CAPN3: variants seen among roughly 807,000 people sequenced by gnomAD.
CAPN3 encodes calpain 3.
A neutral mutation model predicts 114.0 loss-of-function variants in CAPN3; 88 were observed. The ratio of observed to expected loss-of-function variants is 0.77; its 90% CI spans 0.65 to 0.92. The LOEUF (loss-of-function observed/expected upper bound fraction) is 0.92. Among genes scored for constraint, CAPN3 ranks in the 40% least tolerant of loss-of-function variants. The pLI is 0.00. For missense variants in CAPN3, 1,028 were observed against 1,069.0 expected, an observed-to-expected ratio of 0.96 and a Z score of 0.53; for synonymous variants, 386 against 382.9, an observed-to-expected ratio of 1.01 and a Z score of -0.09.
intron 1 of CAPN3, among the ~76,000 whole-genome samples, chr15:42,367,302 C>T (rs2052813756): frequency 6.6e-6 from 1 of 152,112 alleles, no homozygotes; most frequent in Non-Finnish European, 1.5e-5. Flanking sequence ...CTGCTAGGAA[C>T]CGGCTGAACT....
chr15:42,410,396 T>G (rs2054175029), intron 19 of CAPN3, 32 bp from the exon 20 acceptor site: 1 of 1,607,344 alleles, frequency 6.2e-7, no homozygotes, highest in African/African-American at 1.3e-5. Context: ...GATTTTGCTG[T>G]GTGCTGTGTA....
intron 1 of CAPN3, 143 bp downstream of exon 1, chr15:42,360,257 GAA>G: frequency 2.2e-6 from 2 of 911,118 alleles, no homozygotes; most frequent in Middle Eastern, 6.4e-4. Context: ...CTTTAAGTGT[GAA>G]GCAGGGAGGA....
chr15:42,396,814 G>A lies in CAPN3; in HGVS notation c.1130G>A (p.Ser377Asn), dbSNP rs760121531. ...GSWSDRWKDW[S>N]FVDKDEKARL... Reference sequence around the variant, plus strand: ...TTTCCCACCAGATGGAAGGACTGGAGCTTTGTGGACAAAGATGAGAAGGCC... The same window carrying A: ...TTTCCCACCAGATGGAAGGACTGGAACTTTGTGGACAAAGATGAGAAGGCC... The change falls in exon 9 of 24, where the codon AGC becomes AAC. Residue 377 changes from serine to asparagine, a missense_variant. Transcript: ENST00000397163. 4 of 1,613,908 alleles carry A rather than the reference G, an allele frequency of 2.5e-6. No individual in the cohort carries two copies. The highest frequency in any genetic ancestry group is 3.4e-6 in the Non-Finnish European group (4 of 1,179,798).
intron 22 of CAPN3, 79 bp downstream of exon 22, chr15:42,411,079 A>C: frequency 2.5e-6 from 3 of 1,212,598 alleles, no homozygotes; most frequent in Non-Finnish European, 3.7e-6. Flanking sequence ...GATAATCTCC[A>C]GTCTGCTCCA....
Position 42,401,633 on chromosome 15 carries a change from G to A in CAPN3, c.1355-8G>A, listed in dbSNP as rs1455492901. ...CTGTGAATGCGTGCTTCCTTTCTGG[G>A]GGTGCAGATACTTTCTGGACCAACC... On this transcript the variant is annotated splice_polypyrimidine_tract_variant and splice_region_variant and intron_variant, in intron 10 of 23. Coordinates refer to ENST00000397163, the MANE Select transcript of CAPN3 (RefSeq NM_000070.3). 6.2e-7 allele frequency: 1 copy of A among 1,614,058 alleles called. No homozygotes were observed. The highest frequency in any genetic ancestry group is 1.7e-5 in the Admixed American group (1 of 60,026).
At chr15:42,400,973 C>T (rs1019689912) in intron 10 of CAPN3, among the ~76,000 whole-genome samples, 1 of 152,080 alleles carries the variant, frequency 6.6e-6, no homozygotes, top group South Asian at 2.1e-4. Flanking sequence ...GCAGGCGGAT[C>T]ACTTGTGGTC....
intron 1 of CAPN3, among the ~76,000 whole-genome samples, chr15:42,371,551 G>A (rs1049007050): frequency 6.6e-6 from 1 of 152,160 alleles, no homozygotes; most frequent in Admixed American, 6.5e-5. Flanking sequence ...CTACTGAGTT[G>A]TCTTTTTCAA....
intron 1 of CAPN3, among the ~76,000 whole-genome samples, chr15:42,380,751 ATTT>A (rs59923448): frequency 0.01 from 666 of 64,370 alleles, 5 homozygotes; most frequent in African/African-American, 0.049. Flanking sequence ...ATATATATAT[ATTT>A]TTTTTTTTTT....
chr15:42,408,993 T>G, intron 16 of CAPN3: 1 of 428,900 alleles, frequency 2.3e-6, no homozygotes, highest in Non-Finnish European at 4.3e-6. Flanking sequence ...GCGGGCACCT[T>G]TAGTTGGAAT....
intron 9 of CAPN3, among the ~76,000 whole-genome samples, chr15:42,397,626 A>G (rs1047443969): frequency 6.6e-6 from 1 of 151,600 alleles, no homozygotes; most frequent in African/African-American, 2.4e-5. Flanking sequence ...CCTGGGCGAC[A>G]AGAGAGACTC....
intron 1 of CAPN3, among the ~76,000 whole-genome samples, chr15:42,363,782 AG>A (rs2052709988): frequency 6.6e-6 from 1 of 152,212 alleles, no homozygotes; most frequent in Non-Finnish European, 1.5e-5. Flanking sequence ...CAATCCTGTG[AG>A]GAAGTACCAT....
At chr15:42,401,220 G>C (rs1316777824) in intron 10 of CAPN3, among the ~76,000 whole-genome samples, 1 of 152,018 alleles carries the variant, frequency 6.6e-6, no homozygotes, top group Non-Finnish European at 1.5e-5. Flanking sequence ...GAGAGATTGA[G>C]GCTGGGATAT....
At chr15:42,376,575 T>G (rs1171166667) in intron 1 of CAPN3, among the ~76,000 whole-genome samples, 4 of 152,000 alleles carry the variant, frequency 2.6e-5, no homozygotes, top group Admixed American at 2.6e-4. Context: ...CTTGAGCACT[T>G]TCTTACTTTC....
chr15:42,360,997 A>G (rs761930531), intron 1 of CAPN3, among the ~76,000 whole-genome samples: 3 of 152,216 alleles, frequency 2.0e-5, no homozygotes, highest in Non-Finnish European at 4.4e-5. Flanking sequence ...CTTGGAACCT[A>G]GGGTCCTGAA....
intron 16 of CAPN3, chr15:42,408,975 T>A: frequency 2.5e-6 from 1 of 393,620 alleles, no homozygotes; most frequent in South Asian, 2.4e-5. Context: ...TCAGACCTTC[T>A]TTGACCTGCG....
chr15:42,373,943 A>T (rs1244884171), intron 1 of CAPN3, among the ~76,000 whole-genome samples: 62 of 152,170 alleles, frequency 4.1e-4, no homozygotes, highest in Admixed American at 3.9e-3. Context: ...TGCTGAGACA[A>T]AGTAAGCCTC....
At chr15:42,397,319 A>G (rs907311858) in intron 9 of CAPN3, among the ~76,000 whole-genome samples, 14 of 152,186 alleles carry the variant, frequency 9.2e-5, no homozygotes, top group Non-Finnish European at 1.6e-4. Context: ...GAGGACTGGG[A>G]TTAATTTATG....
At chr15:42,411,045 GTTGT>G in intron 22 of CAPN3, 45 bp downstream of exon 22, 1 of 1,450,416 alleles carries the variant, frequency 6.9e-7, no homozygotes, top group Non-Finnish European at 9.7e-7. Context: ...TGCAGGGGCA[GTTGT>G]GGCAACAGGC....
Position 42,409,344 on chromosome 15 carries a change from A to G in CAPN3, c.1956A>G (p.Gln652=). 1 of 1,614,178 alleles carries G rather than the reference A, an allele frequency of 6.2e-7. No individual in the cohort carries two copies. The highest frequency in any genetic ancestry group is 1.1e-5 in the South Asian group (1 of 91,074). The change falls in exon 17 of 24, where the codon CAA becomes CAG. Residue 652 remains glutamine (Q), a synonymous_variant. Coordinates refer to ENST00000397163, the MANE Select transcript of CAPN3 (RefSeq NM_000070.3). The stretch of plus-strand genomic sequence containing the variant: ...CTGATCAGGAAAGTGAGGAACAGCA[A>G]CAATTCCGGAACATTTTCAAGCAGA... ...GSSDQESEEQ[Q]QFRNIFKQIA... is the part of the protein sequence containing the mutation.
Sources: gnomAD v4.1 joint callset for allele counts (sites outside exome capture counted in the v4.1 genomes callset) on GRCh38, gnomAD v4.1.1 for gene constraint, MANE v1.5 for transcripts, NCBI Gene and HGNC (gene_info 2026-07-23, HGNC 2026-07-21) for gene names.